Variants in CYP26C1 observed in about 807,000 individuals in gnomAD.
CYP26C1 encodes the protein cytochrome P450 26C1.
A neutral mutation model predicts 39.1 loss-of-function variants in CYP26C1; 41 were observed. The ratio of observed to expected loss-of-function variants is 1.05; its 90% CI spans 0.82 to 1.36. CYP26C1 has a LOEUF of 1.36. CYP26C1 is among the 40% of genes most tolerant of loss of function. The probability of loss-of-function intolerance (pLI) is 0.00; values close to 1 mark genes in which losing one functional copy is unlikely to be tolerated. For synonymous variants in CYP26C1, 362 were observed against 350.8 expected (o/e 1.03, Z -0.36); for missense variants, 833 against 752.0 (o/e 1.11, Z -1.26).
chr10:93,068,322 C>A lies in CYP26C1; in HGVS notation c.1194C>A (p.Gly398=). ...RTALRTFELD[G]YQIPKGWSVM... is the part of the protein sequence containing the mutation. ...CTGATCTCCTCGCCTCTCTGCAGGGCTACCAGATCCCCAAGGGCTGGAGCG... is the reference window on the plus strand; with the variant it reads ...CTGATCTCCTCGCCTCTCTGCAGGGATACCAGATCCCCAAGGGCTGGAGCG... Residue 398 remains glycine (G), a splice_region_variant and synonymous_variant, in exon 6 of 6, where the codon GGC becomes GGA. Coordinates refer to ENST00000651965, the MANE Select transcript of CYP26C1 (RefSeq NM_183374.3). 1 of 1,514,746 alleles carries A rather than the reference C, an allele frequency of 6.6e-7. No homozygotes were observed. The highest frequency in any genetic ancestry group is 8.8e-7 in the Non-Finnish European group (1 of 1,132,994). The allele number at this position is 1,514,746 out of a possible 1,614,324, so 93.8% of individuals were successfully genotyped here.
At chr10:93,064,081 G>A in intron 3 of CYP26C1, 1 of 1,178,052 alleles carries the variant, frequency 8.5e-7, no homozygotes, top group Non-Finnish European at 1.1e-6. Context: ...GGACAGCTGT[G>A]TGACTCTGGG....
intron 5 of CYP26C1, among the ~76,000 whole-genome samples, chr10:93,067,957 T>C (rs1416690212): frequency 6.6e-6 from 1 of 152,178 alleles, no homozygotes; most frequent in African/African-American, 2.4e-5. Flanking sequence ...TCTCCTCATC[T>C]AAGGTCAGAA....
At chr10:93,068,253 G>T in intron 5 of CYP26C1, 67 bp from the exon 6 acceptor site, 1 of 1,452,224 alleles carries the variant, frequency 6.9e-7, no homozygotes, top group South Asian at 1.6e-5. Context: ...CAGGGTGGAG[G>T]GTCAGTTCAG....
intron 4 of CYP26C1, among the ~76,000 whole-genome samples, chr10:93,065,469 A>G (rs1355410630): frequency 1.3e-5 from 2 of 152,170 alleles, no homozygotes; most frequent in Non-Finnish European, 2.9e-5. Flanking sequence ...CACTGCAGCC[A>G]TTGTCAGGCT....
intron 3 of CYP26C1, chr10:93,063,713 G>T (rs1414665763): frequency 1.0e-6 from 1 of 982,842 alleles, no homozygotes; most frequent in Non-Finnish European, 1.2e-6. Flanking sequence ...CTCGCAGCCT[G>T]CAAAGTGTTA....
In CYP26C1 at chr10:93,068,268, C is replaced by T. The variant is rs534465074; in HGVS notation, c.1192-52C>T. The T allele has an allele frequency of 3.3e-5, 49 of 1,480,974 alleles. No homozygotes were observed. The Admixed American group carries it at 4.0e-4, about 12-fold the overall frequency. 91.7% of individuals were successfully genotyped at this position (1,480,974 alleles called of 1,614,324 possible). A position where few individuals can be genotyped will look rare whatever the true frequency, so the allele number is the denominator to read the frequency against. ...CAGGGTGGAGGGTCAGTTCAGGGCC[C>T]CCCCGTTTCCAGGTGCCTCGTGGTC... On this transcript the variant is annotated intron_variant, in intron 5 of 5. Coordinates refer to ENST00000651965, the MANE Select transcript of CYP26C1 (RefSeq NM_183374.3).
In CYP26C1 at chr10:93,063,043, G is replaced by A. The variant is rs530220702; in HGVS notation, c.705+48G>A. ...CCTTCCTCCGAGGCTCCGCGGCGCG[G>A]GCGGGCCTCCCAGACCCAGACGGGA... On this transcript the variant is annotated intron_variant, in intron 3 of 5. Transcript: ENST00000651965. The A allele has an allele frequency of 3.0e-5, 46 of 1,512,752 alleles. No individual in the cohort carries two copies. In the African/African-American group the frequency reaches 3.5e-4, roughly 12 times the overall value. The allele number at this position is 1,512,752 out of a possible 1,614,324, so 93.7% of individuals were successfully genotyped here.
chr10:93,062,262 A>G (rs1239526142), intron 2 of CYP26C1, 28 bp downstream of exon 2: 1 of 1,497,818 alleles, frequency 6.7e-7, no homozygotes, highest in Non-Finnish European at 8.9e-7. Flanking sequence ...TGGACCGTAG[A>G]TACGTCGGAT....
chr10:93,062,609 G>C, intron 2 of CYP26C1, 111 bp from the exon 3 acceptor site: 1 of 1,018,838 alleles, frequency 9.8e-7, no homozygotes, highest in Non-Finnish European at 1.3e-6. Flanking sequence ...GTTTAGGTCT[G>C]GGCCGCTTGG....
At chr10:93,063,631 C>T in intron 3 of CYP26C1, 1 of 985,516 alleles carries the variant, frequency 1.0e-6, no homozygotes, top group South Asian at 4.7e-5. Flanking sequence ...TTTCAGTCAC[C>T]TGCATAAAAA....
Position 93,061,436 on chromosome 10 carries a change from T to C in CYP26C1, c.173T>C (p.Phe58Ser). ...CCCAAGGGCTCCATGGGGTGGCCCTTCTTCGGCGAAACGCTGCACTGGTTA... is the reference window on the plus strand; with the variant it reads ...CCCAAGGGCTCCATGGGGTGGCCCTCCTTCGGCGAAACGCTGCACTGGTTA... ...PLPKGSMGWP[F>S]FGETLHWLVQ... The change falls in exon 1 of 6, where the codon TTC becomes TCC. Residue 58 changes from phenylalanine to serine, a missense_variant. Physicochemically the swap from Phe to Ser is radical, Grantham distance 155 (BLOSUM62 -2). Coordinates refer to ENST00000651965, the MANE Select transcript of CYP26C1 (RefSeq NM_183374.3). 1 of 1,554,332 alleles carries C rather than the reference T, an allele frequency of 6.4e-7. No individual in the cohort carries two copies. Among genetic ancestry groups the C allele is most frequent in the Non-Finnish European group, 8.7e-7 (1 of 1,149,388 alleles).
In CYP26C1 at chr10:93,062,766, C is replaced by A; in HGVS notation, c.476C>A (p.Pro159Gln). Residue 159 changes from proline (P) to glutamine (Q), a missense_variant, in exon 3 of 6, where the codon CCG (proline) becomes CAG (glutamine). By Grantham distance (76) the Pro-to-Gln change is moderately conservative (BLOSUM62 -1). Coordinates refer to ENST00000651965, the MANE Select transcript of CYP26C1 (RefSeq NM_183374.3). ...FSRAALERYV[P>Q]RLQGALRHEV... ...CGCGCCGCGCTGGAGCGCTACGTGCCGCGCCTGCAGGGGGCGCTGCGGCAT... is the reference window on the plus strand; with the variant it reads ...CGCGCCGCGCTGGAGCGCTACGTGCAGCGCCTGCAGGGGGCGCTGCGGCAT... 2 of 1,506,014 alleles carry A rather than the reference C, an allele frequency of 1.3e-6. No homozygotes were observed. The highest frequency in any genetic ancestry group is 8.8e-7 in the Non-Finnish European group (1 of 1,135,342). 93.3% of individuals were successfully genotyped at this position (1,506,014 alleles called of 1,614,324 possible).
At chr10:93,065,906 C>A (rs200957075) in intron 4 of CYP26C1, 50 bp from the exon 5 acceptor site, 1 of 1,467,182 alleles carries the variant, frequency 6.8e-7, no homozygotes, top group East Asian at 2.8e-5. Flanking sequence ...GTCAGCGCCC[C>A]GGGCGACTCC....
intron 4 of CYP26C1, 68 bp downstream of exon 4, chr10:93,064,604 CA>C: frequency 2.6e-6 from 4 of 1,547,990 alleles, no homozygotes; most frequent in Non-Finnish European, 3.5e-6. Flanking sequence ...ACCAATGCTG[CA>C]TCCCCAGAGC....
chr10:93,065,071 A>G (rs1382177097), intron 4 of CYP26C1, among the ~76,000 whole-genome samples: 1 of 152,032 alleles, frequency 6.6e-6, no homozygotes, highest in Non-Finnish European at 1.5e-5. Context: ...CCCCTTGTAC[A>G]CACATCGCAC....
In CYP26C1 at chr10:93,068,505, C is replaced by T; in HGVS notation, c.1377C>T (p.Cys459=). 1 of 1,606,436 alleles carries T rather than the reference C, an allele frequency of 6.2e-7. No individual in the cohort carries two copies. Among genetic ancestry groups the T allele is most frequent in the Non-Finnish European group, 8.5e-7 (1 of 1,177,004 alleles). Residue 459 remains cysteine, a synonymous_variant, in exon 6 of 6, where the codon TGC becomes TGT. Coordinates refer to ENST00000651965, the MANE Select transcript of CYP26C1 (RefSeq NM_183374.3). The part of the protein sequence containing the change: ...YIPFGGGARS[C]LGQELAQAVL... The stretch of plus-strand genomic sequence containing the variant: ...CGTTCGGCGGCGGTGCGCGCAGCTG[C>T]CTCGGCCAGGAGCTGGCGCAAGCCG...
chr10:93,066,507 C>A (rs909410613), intron 5 of CYP26C1, among the ~76,000 whole-genome samples: 1 of 152,218 alleles, frequency 6.6e-6, no homozygotes, highest in African/African-American at 2.4e-5. Flanking sequence ...CAAAGCCTGG[C>A]GAGACTGCAA....
chr10:93,066,257 G>T lies in CYP26C1; in HGVS notation c.1163G>T (p.Arg388Leu). 1 of 1,453,346 alleles carries T rather than the reference G, an allele frequency of 6.9e-7. No homozygotes were observed. The allele number at this position is 1,453,346 out of a possible 1,614,324, so 90.0% of individuals were successfully genotyped here. ...RLLPPVSGGY[R>L]TALRTFELDG... Reference sequence around the variant, plus strand: ...CTGCCGCCAGTGTCCGGGGGCTACCGCACCGCCCTGCGCACCTTCGAGCTC... The same window carrying T: ...CTGCCGCCAGTGTCCGGGGGCTACCTCACCGCCCTGCGCACCTTCGAGCTC... The change falls in exon 5 of 6, where the codon CGC (arginine) becomes CTC (leucine). Residue 388 changes from arginine (R) to leucine (L), a missense_variant. Physicochemically the swap from Arg to Leu is moderately radical, Grantham distance 102. Transcript: ENST00000651965.
chr10:93,068,848 C>G lies in CYP26C1; in HGVS notation c.*151C>G, dbSNP rs528895451. On this transcript the variant is annotated 3_prime_UTR_variant, in exon 6 of 6. Transcript: ENST00000651965. The stretch of plus-strand genomic sequence containing the variant: ...ATGTTCGCCAAACGCGGATGTGTGC[C>G]GGACTCGAGGAAGGAGGAGGGCGAG... The G allele has an allele frequency of 1.5e-6, 2 of 1,320,836 alleles. No homozygotes were observed. Among genetic ancestry groups the G allele is most frequent in the South Asian group, 1.8e-5 (1 of 56,912 alleles). 81.8% of individuals were successfully genotyped at this position (1,320,836 alleles called of 1,614,324 possible). A position where few individuals can be genotyped will look rare whatever the true frequency, so the allele number is the denominator to read the frequency against.
Sources: allele counts gnomAD v4.1 joint callset (sites outside exome capture counted in the v4.1 genomes callset), GRCh38; gene constraint gnomAD v4.1.1; transcripts MANE v1.5; gene names NCBI Gene and HGNC (gene_info 2026-07-23, HGNC 2026-07-21).